Variants in ATP2B4 observed in about 807,000 individuals in gnomAD.
ATP2B4 encodes the protein plasma membrane calcium-transporting ATPase 4.
Under a neutral mutation model 110.3 loss-of-function variants are expected in ATP2B4, and 39 were observed. The observed-to-expected ratio is 0.35, with a 90% CI of 0.27 to 0.46. The LOEUF (loss-of-function observed/expected upper bound fraction) is 0.46, where lower values mean the gene tolerates loss of function less well. Among genes scored for constraint, ATP2B4 ranks in the 20% least tolerant of loss-of-function variants. The pLI is 1.00. For missense variants in ATP2B4, 1,135 were observed against 1,530.9 expected (o/e 0.74, Z 4.32); for synonymous variants, 538 against 571.7 (o/e 0.94, Z 0.84).
chr1:203,718,577 GGCATGAGCCA>G (rs2102210041), intron 15 of ATP2B4, among the ~76,000 whole-genome samples: 1 of 152,232 alleles, frequency 6.6e-6, no homozygotes, highest in South Asian at 2.1e-4. Flanking sequence ...TGGGATTACA[GGCATGAGCCA>G]CCACACCCAG....
intron 15 of ATP2B4, among the ~76,000 whole-genome samples, chr1:203,715,200 G>A (rs1186073788): frequency 1.3e-5 from 2 of 150,888 alleles, no homozygotes; most frequent in African/African-American, 4.9e-5. Flanking sequence ...ACTTGAACCC[G>A]GGAGGCAGAG....
Position 203,669,505 on chromosome 1 carries a change from C to T in ATP2B4, c.-464-13237C>T, listed in dbSNP as rs117825954. 6.3e-3 allele frequency among the ~76,000 whole-genome samples: 961 copies of T among 152,196 alleles called. 21 individuals are homozygous for T. The highest frequency in any genetic ancestry group is 0.046 in the East Asian group (240 of 5,170). On this transcript the variant is annotated intron_variant, in intron 1 of 20. Transcript: ENST00000357681. The stretch of plus-strand genomic sequence containing the variant: ...AGGCTGGAGTGCGATGGCGTGATCT[C>T]GGCTTACCACAACCTCTGCCTCTCA...
intron 11 of ATP2B4, among the ~76,000 whole-genome samples, 156 bp downstream of exon 11, chr1:203,709,698 T>A (rs1358710703): frequency 6.6e-6 from 1 of 152,198 alleles, no homozygotes; most frequent in Non-Finnish European, 1.5e-5. Context: ...CCACGCATGT[T>A]TTTTAAGTGC....
chr1:203,695,770 T>G lies in ATP2B4; in HGVS notation c.194-2387T>G, dbSNP rs75841740. ...AGATGAGTATCTTATGTATGTCTCC[T>G]GATGCTTTTTGTTTTATAGGATAGG... On this transcript the variant is annotated intron_variant, in intron 2 of 20. Transcript: ENST00000357681. Among the ~76,000 whole-genome samples, 261 of 143,586 alleles carry G rather than the reference T, an allele frequency of 1.8e-3. 3 individuals carry two copies. In the East Asian group the frequency reaches 0.032, roughly 18 times the overall value. 94.2% of individuals were successfully genotyped at this position (143,586 alleles called of 152,430 possible).
intron 1 of ATP2B4, among the ~76,000 whole-genome samples, chr1:203,668,018 G>A (rs909344867): frequency 3.3e-5 from 5 of 152,162 alleles, no homozygotes; most frequent in Non-Finnish European, 7.3e-5. Context: ...GCCTATGAAA[G>A]TTTCACTCTG....
intron 19 of ATP2B4, among the ~76,000 whole-genome samples, chr1:203,724,867 G>GTTTTTTTT (rs1031319768): frequency 6.4e-5 from 5 of 78,404 alleles, no homozygotes; most frequent in Non-Finnish European, 1.0e-4. Flanking sequence ...CCAGCTCTCT[G>GTTTTTTTT]TTTTTTTTTT....
chr1:203,672,873 G>C (rs149471615), intron 1 of ATP2B4, among the ~76,000 whole-genome samples: 2 of 152,084 alleles, frequency 1.3e-5, no homozygotes, highest in Non-Finnish European at 2.9e-5. Flanking sequence ...TTAACTTTTC[G>C]AATAGACCTT....
At chr1:203,697,853 C>T (rs1466698824) in intron 2 of ATP2B4, among the ~76,000 whole-genome samples, 1 of 152,008 alleles carries the variant, frequency 6.6e-6, no homozygotes, top group African/African-American at 2.4e-5. Context: ...TACAGGTGCA[C>T]CACATCATGC....
At chr1:203,635,832 C>G (rs1263822587) in intron 1 of ATP2B4, among the ~76,000 whole-genome samples, 1 of 152,214 alleles carries the variant, frequency 6.6e-6, no homozygotes, top group Admixed American at 6.5e-5. Context: ...ATAGGAGTGT[C>G]TTTTCTAAGC....
At chr1:203,677,042 G>C (rs547293388) in intron 1 of ATP2B4, among the ~76,000 whole-genome samples, 1 of 152,190 alleles carries the variant, frequency 6.6e-6, no homozygotes, top group Admixed American at 6.5e-5. Context: ...TTATATCATT[G>C]TTCTTGCACT....
At chr1:203,725,618 C>T (rs1030991107) in intron 19 of ATP2B4, among the ~76,000 whole-genome samples, 9 of 152,252 alleles carry the variant, frequency 5.9e-5, no homozygotes, top group Non-Finnish European at 7.3e-5. Flanking sequence ...TAAACTATTA[C>T]GATTATAATA....
intron 19 of ATP2B4, 111 bp from the exon 20 acceptor site, chr1:203,727,284 A>G: frequency 8.0e-7 from 1 of 1,254,916 alleles, no homozygotes; most frequent in Non-Finnish European, 1.1e-6. Context: ...TCCAGTGGGA[A>G]GGGTGGTAGG....
intron 1 of ATP2B4, among the ~76,000 whole-genome samples, chr1:203,637,520 G>A (rs1294593713): frequency 6.6e-6 from 1 of 151,664 alleles, no homozygotes; most frequent in Non-Finnish European, 1.5e-5. Context: ...AATATTATTC[G>A]ACACTGGAAT....
chr1:203,665,842 C>T (rs191889244), intron 1 of ATP2B4, among the ~76,000 whole-genome samples: 1 of 151,604 alleles, frequency 6.6e-6, no homozygotes, highest in Non-Finnish European at 1.5e-5. Flanking sequence ...ATCCAGTGCT[C>T]AGCACAATAT....
At chr1:203,657,804 A>C in intron 1 of ATP2B4, 1 of 554,278 alleles carries the variant, frequency 1.8e-6, no homozygotes, top group East Asian at 3.2e-5. Flanking sequence ...TGAGGTGCGA[A>C]AACACTCTCA....
chr1:203,681,851 C>T (rs1305554695), intron 1 of ATP2B4, among the ~76,000 whole-genome samples: 2 of 151,952 alleles, frequency 1.3e-5, no homozygotes, highest in Admixed American at 6.6e-5. Context: ...GGTATCTTAC[C>T]GCTCCCACTC....
rs1212018478 is a variant in ATP2B4, at chr1:203,683,380, A to G, written c.175A>G (p.Lys59Glu). 7 of 1,611,572 alleles carry G rather than the reference A, an allele frequency of 4.3e-6. No individual in the cohort carries two copies. Among genetic ancestry groups the G allele is most frequent in the Non-Finnish European group, 5.9e-6 (7 of 1,178,464 alleles). The change falls in exon 2 of 21, where the codon AAA becomes GAA. Residue 59 changes from lysine (K) to glutamate (E), a missense_variant. By Grantham distance (56) the Lys-to-Glu change is moderately conservative. This residue lies in a region of ATP2B4 where 122 missense variants were observed against 125.2 expected (regional missense o/e 0.97). Transcript: ENST00000357681. ...GGVQNLCSRL[K>E]TSPVEGLSGN... is the part of the protein sequence containing the mutation. ...TGTACAGAATCTCTGCAGTAGACTGAAAACCTCCCCTGTGGAAGGTAAAGG... is the reference window on the plus strand; with the variant it reads ...TGTACAGAATCTCTGCAGTAGACTGGAAACCTCCCCTGTGGAAGGTAAAGG...
chr1:203,630,758 G>C (rs748680342), intron 1 of ATP2B4, among the ~76,000 whole-genome samples: 10 of 152,182 alleles, frequency 6.6e-5, no homozygotes, highest in Non-Finnish European at 1.0e-4. Context: ...GTGGGTATTT[G>C]GTGGGTAGGG....
intron 18 of ATP2B4, among the ~76,000 whole-genome samples, 175 bp from the exon 19 acceptor site, chr1:203,723,706 T>C (rs1666417095): frequency 6.6e-6 from 1 of 152,088 alleles, no homozygotes; most frequent in Non-Finnish European, 1.5e-5. Flanking sequence ...TTAAAGGCTG[T>C]TTTTGTCTGT....
Sources: gnomAD v4.1 joint callset for allele counts (sites outside exome capture counted in the v4.1 genomes callset) on GRCh38, gnomAD v4.1.1 for gene constraint, gnomAD v4.1.1 regional missense constraint, MANE v1.5 for transcripts, NCBI Gene and HGNC (gene_info 2026-07-23, HGNC 2026-07-21) for gene names.